Variants in PC observed in about 807,000 individuals in gnomAD.
The protein encoded by PC is pyruvate carboxylase, mitochondrial.
PC carries 46 observed loss-of-function variants against 107.8 expected under a neutral mutation model. That is an observed-to-expected ratio of 0.43 (90% CI 0.34 to 0.55). The LOEUF (loss-of-function observed/expected upper bound fraction) is 0.55. Ranked by LOEUF, PC falls within the 20% of genes least tolerant of loss-of-function variation. The pLI is 0.04. For synonymous variants in PC, 662 were observed against 684.7 expected (o/e 0.97, Z 0.52); for missense variants, 1,241 against 1,643.1 (o/e 0.76, Z 4.23).
intron 3 of PC, among the ~76,000 whole-genome samples, chr11:66,938,969 A>ACATT (rs1949061485): frequency 6.6e-6 from 1 of 152,144 alleles, no homozygotes; most frequent in Non-Finnish European, 1.5e-5. Context: ...AAATGACTTG[A>ACATT]CATTTTAGGT....
intron 3 of PC, among the ~76,000 whole-genome samples, chr11:66,949,628 T>A (rs1460468411): frequency 6.6e-6 from 1 of 151,676 alleles, no homozygotes; most frequent in African/African-American, 2.4e-5. Flanking sequence ...GAGGCGGAGG[T>A]TGCAGTGAGC....
chr11:66,864,019 C>T, intron 11 of PC, 63 bp from the exon 12 acceptor site: 1 of 1,560,686 alleles, frequency 6.4e-7, no homozygotes, highest in East Asian at 2.2e-5. Flanking sequence ...GCCCCACCCA[C>T]CCCGAGGCTG....
chr11:66,859,639 T>C (rs1331421414), intron 12 of PC: 3 of 1,612,656 alleles, frequency 1.9e-6, no homozygotes, highest in Non-Finnish European at 2.5e-6. Flanking sequence ...GCCTGCAGGA[T>C]TGTCCCAGCC....
intron 3 of PC, among the ~76,000 whole-genome samples, chr11:66,947,808 C>T (rs1302395855): frequency 6.7e-6 from 1 of 149,124 alleles, no homozygotes; most frequent in Non-Finnish European, 1.5e-5. Flanking sequence ...ACTAAAAATA[C>T]AAAAATTAGC....
intron 21 of PC, 83 bp from the exon 22 acceptor site, chr11:66,849,453 A>G: frequency 6.2e-6 from 10 of 1,605,064 alleles, no homozygotes; most frequent in South Asian, 1.1e-5. Context: ...AAGTCCCCAC[A>G]CTGGGCCTTG....
At chr11:66,953,675 T>C (rs755043820) in intron 2 of PC, among the ~76,000 whole-genome samples, 1 of 152,186 alleles carries the variant, frequency 6.6e-6, no homozygotes, top group Non-Finnish European at 1.5e-5. Context: ...AAATATTTAT[T>C]GAGCACATGC....
chr11:66,871,001 C>A lies in PC; in HGVS notation c.633+51G>T. The A allele has an allele frequency of 6.2e-7, 1 of 1,611,218 alleles. No homozygotes were observed. The highest frequency in any genetic ancestry group is 8.5e-7 in the Non-Finnish European group (1 of 1,178,088). On this transcript the variant is annotated intron_variant, in intron 7 of 22. Coordinates refer to ENST00000393960, the MANE Select transcript of PC (RefSeq NM_001040716.2). The surrounding 1 kb of genome is among the most constrained non-coding windows in gnomAD (Gnocchi z 7.4). Reference sequence around the variant, plus strand: ...ATCCCTTGAGTGGTCCGCCCCTGCCCCCACGGCAGGCTGCCCTGCCCTGCT... The same window carrying A: ...ATCCCTTGAGTGGTCCGCCCCTGCCACCACGGCAGGCTGCCCTGCCCTGCT...
chr11:66,859,943 G>A, intron 12 of PC: 1 of 1,595,962 alleles, frequency 6.3e-7, no homozygotes, highest in South Asian at 1.1e-5. Context: ...TCCCCCTCAA[G>A]CTCAGCCACG....
intron 3 of PC, among the ~76,000 whole-genome samples, chr11:66,948,157 T>C (rs1173957700): frequency 6.6e-6 from 1 of 150,472 alleles, no homozygotes; most frequent in Non-Finnish European, 1.5e-5. Context: ...CAGTGAGCTA[T>C]GATCACGCCG....
intron 3 of PC, among the ~76,000 whole-genome samples, chr11:66,880,470 T>C (rs1947147361): frequency 6.6e-6 from 1 of 152,168 alleles, no homozygotes; most frequent in Non-Finnish European, 1.5e-5. Context: ...GAGGCACCTA[T>C]GGTGACCCTC....
chr11:66,881,815 C>T (rs1292878520), intron 3 of PC, among the ~76,000 whole-genome samples: 1 of 152,196 alleles, frequency 6.6e-6, no homozygotes, highest in Non-Finnish European at 1.5e-5. Flanking sequence ...CCAGCAGAGC[C>T]GGCCTGGAGC....
chr11:66,856,224 C>T (rs1225910672), intron 12 of PC, among the ~76,000 whole-genome samples: 1 of 152,252 alleles, frequency 6.6e-6, no homozygotes, highest in African/African-American at 2.4e-5. Context: ...GGCGACAGAG[C>T]GGGAGGGAGG....
At chr11:66,916,804 AT>A (rs1279176053) in intron 3 of PC, among the ~76,000 whole-genome samples, 1 of 151,778 alleles carries the variant, frequency 6.6e-6, no homozygotes, top group Non-Finnish European at 1.5e-5. Context: ...AATACAAAAA[AT>A]TATCCGGGCG....
In PC at chr11:66,850,078, C is replaced by A; in HGVS notation, c.2757G>T (p.Gln919His). The stretch of plus-strand genomic sequence containing the variant: ...GGCTCAATCCATTCTGCACCATAAA[C>A]TGGGCCAGGTCCCCCACGATCTTGG... ...PSSKIVGDLA[Q>H]FMVQNGLSRA... Residue 919 changes from glutamine (Q) to histidine (H), a missense_variant, in exon 20 of 23, where the codon CAG (glutamine) becomes CAT (histidine). Coordinates refer to ENST00000393960, the MANE Select transcript of PC (RefSeq NM_001040716.2). 1 of 1,613,738 alleles carries A rather than the reference C, an allele frequency of 6.2e-7. No homozygotes were observed.
chr11:66,892,188 G>A (rs548014605), intron 3 of PC, among the ~76,000 whole-genome samples: 28 of 152,266 alleles, frequency 1.8e-4, no homozygotes, highest in African/African-American at 6.7e-4. Flanking sequence ...ACAAGGCTGC[G>A]AGGCTCGGGT....
chr11:66,956,499 C>T (rs1483401055), intron 1 of PC, among the ~76,000 whole-genome samples: 1 of 152,124 alleles, frequency 6.6e-6, no homozygotes, highest in Non-Finnish European at 1.5e-5. Context: ...GCAGGAGAAT[C>T]GCTTGAACTC....
At chr11:66,868,740 TGG>T in intron 10 of PC, 104 bp downstream of exon 10, 1 of 815,390 alleles carries the variant, frequency 1.2e-6, no homozygotes, top group Non-Finnish European at 2.2e-6. Context: ...TCCACCAATG[TGG>T]GGAGTGAGCA....
rs117740351 is a variant in PC, at chr11:66,869,608, C to T, written c.904-644G>A. The stretch of plus-strand genomic sequence containing the variant: ...TTAAACGCGACCCTGGTCGATGCCT[C>T]GCATTAGCTGTGGCTGAGGCCTTGC... On this transcript the variant is annotated intron_variant, in intron 9 of 22. Transcript: ENST00000393960. Among the ~76,000 whole-genome samples, 348 of 152,298 alleles carry T rather than the reference C, an allele frequency of 2.3e-3. 7 individuals carry two copies. In the East Asian group the frequency reaches 0.034, roughly 15 times the overall value.
At chr11:66,876,031 G>GT (rs1946964584) in intron 3 of PC, among the ~76,000 whole-genome samples, 1 of 152,188 alleles carries the variant, frequency 6.6e-6, no homozygotes, top group African/African-American at 2.4e-5. Context: ...GTCAAAGGTC[G>GT]TGAGAGACAA....
Sources: gnomAD v4.1 joint callset for allele counts (sites outside exome capture counted in the v4.1 genomes callset) on GRCh38, gnomAD v4.1.1 for gene constraint, Gnocchi (gnomAD v3.1) non-coding constraint, MANE v1.5 for transcripts, NCBI Gene and HGNC (gene_info 2026-07-23, HGNC 2026-07-21) for gene names.